Variants in LDB3 observed in about 807,000 individuals in gnomAD.
LDB3 encodes LIM domain binding 3, also known as LIM domain-binding protein 3.
Under a neutral mutation model 69.0 loss-of-function variants are expected in LDB3, and 49 were observed. The observed-to-expected ratio is 0.71, with a 90% confidence interval of 0.56 to 0.90. The LOEUF (loss-of-function observed/expected upper bound fraction) is 0.90, where lower values mean the gene tolerates loss of function less well. Ranked by LOEUF, LDB3 falls within the 40% of genes least tolerant of loss-of-function variation. The probability of loss-of-function intolerance (pLI) is 0.00; values close to 1 mark genes in which losing one functional copy is unlikely to be tolerated. For synonymous variants in LDB3, 387 were observed against 396.2 expected, an observed-to-expected ratio of 0.98 and a Z score of 0.28; for missense variants, 928 against 974.1, an observed-to-expected ratio of 0.95 and a Z score of 0.63.
chr10:86,705,888 T>A (rs1846420554), intron 7 of LDB3, among the ~76,000 whole-genome samples: 1 of 152,202 alleles, frequency 6.6e-6, no homozygotes, highest in Non-Finnish European at 1.5e-5. Flanking sequence ...TGCTGCTTCC[T>A]CAGGGTTGAC....
intron 5 of LDB3, among the ~76,000 whole-genome samples, chr10:86,683,895 C>T (rs10887647): frequency 0.2 from 29,677 of 152,154 alleles, 3,366 homozygotes; most frequent in African/African-American, 0.32. Context: ...AACCCACCTG[C>T]GGGGTAGGCA....
At chr10:86,691,757 A>T in intron 5 of LDB3, 139 bp from the exon 6 acceptor site, 1 of 949,710 alleles carries the variant, frequency 1.1e-6, no homozygotes, top group Non-Finnish European at 1.7e-6. Context: ...CCCATATCTC[A>T]GGTTCTCAGA....
At chr10:86,706,464 T>G in intron 7 of LDB3, 67 bp from the exon 8 acceptor site, 1 of 1,560,968 alleles carries the variant, frequency 6.4e-7, no homozygotes, top group African/African-American at 1.3e-5. Context: ...CCTGCCCCCA[T>G]GCAGAGGGGC....
At chr10:86,676,466 G>A (rs1188260916) in intron 2 of LDB3, among the ~76,000 whole-genome samples, 2 of 151,748 alleles carry the variant, frequency 1.3e-5, no homozygotes, top group Admixed American at 1.3e-4. Flanking sequence ...TGGGGAGACT[G>A]AGGCAGAAGA....
chr10:86,690,436 C>G (rs1185639691), intron 5 of LDB3, among the ~76,000 whole-genome samples: 1 of 152,256 alleles, frequency 6.6e-6, no homozygotes, highest in African/African-American at 2.4e-5. Context: ...CTAGAAGCCT[C>G]TGCTGGTCTT....
chr10:86,722,910 G>A (rs989138234), intron 12 of LDB3, among the ~76,000 whole-genome samples: 1 of 152,052 alleles, frequency 6.6e-6, no homozygotes, highest in Non-Finnish European at 1.5e-5. Flanking sequence ...AAGCCAGTAA[G>A]AGAAGGAATC....
Position 86,681,730 on chromosome 10 carries a change from A to C in LDB3, c.616A>C (p.Thr206Pro), listed in dbSNP as rs1564635240. Reference sequence around the variant, plus strand: ...CCCCATTGGCCTGTACTCGGCAGAGACCCTGAGGGAGATGGCTCAGATGTA... The same window carrying C: ...CCCCATTGGCCTGTACTCGGCAGAGCCCCTGAGGGAGATGGCTCAGATGTA... ...NNPIGLYSAE[T>P]LREMAQMYQM... Residue 206 changes from threonine to proline, a missense_variant, in exon 5 of 14, where the codon ACC becomes CCC. Thr to Pro is a conservative substitution (Grantham distance 38, BLOSUM62 -1). Transcript: ENST00000361373. The C allele has an allele frequency of 1.2e-6, 2 of 1,608,776 alleles. No homozygotes were observed. The highest frequency in any genetic ancestry group is 1.7e-6 in the Non-Finnish European group (2 of 1,177,016).
At chr10:86,677,797 C>A (rs1245207473) in intron 2 of LDB3, among the ~76,000 whole-genome samples, 1 of 152,198 alleles carries the variant, frequency 6.6e-6, no homozygotes, top group African/African-American at 2.4e-5. Context: ...CTCATCCAGG[C>A]AGGGTTGTCG....
At chr10:86,692,638 G>A (rs1397522286) in intron 7 of LDB3, 67 bp downstream of exon 7, 1 of 1,419,826 alleles carries the variant, frequency 7.0e-7, no homozygotes, top group Non-Finnish European at 1.0e-6. Context: ...GCAGCCCCCA[G>A]GTCACATCAC....
chr10:86,719,655 G>C (rs951767690), intron 12 of LDB3, among the ~76,000 whole-genome samples: 2 of 152,186 alleles, frequency 1.3e-5, no homozygotes, highest in Non-Finnish European at 2.9e-5. Context: ...AAGGCGTGTA[G>C]AGCATCAAAT....
At chr10:86,727,605 A>G (rs1847300048) in intron 13 of LDB3, among the ~76,000 whole-genome samples, 1 of 152,136 alleles carries the variant, frequency 6.6e-6, no homozygotes. Context: ...AAACAACAGA[A>G]ATGAATGCTT....
intron 7 of LDB3, among the ~76,000 whole-genome samples, chr10:86,700,358 C>A (rs919017609): frequency 1.3e-5 from 2 of 152,196 alleles, no homozygotes; most frequent in African/African-American, 4.8e-5. Flanking sequence ...CCACACCCTG[C>A]TGCAACCAGC....
At chr10:86,707,483 G>T (rs533282425) in intron 8 of LDB3, among the ~76,000 whole-genome samples, 1 of 152,224 alleles carries the variant, frequency 6.6e-6, no homozygotes, top group South Asian at 2.1e-4. Context: ...AAGGCCAGGG[G>T]AGAAGAGCGA....
chr10:86,715,572 C>T (rs1846836891), intron 9 of LDB3, among the ~76,000 whole-genome samples: 1 of 152,184 alleles, frequency 6.6e-6, no homozygotes, highest in African/African-American at 2.4e-5. Flanking sequence ...AATCTTTAGA[C>T]AGTCACTCAG....
chr10:86,695,409 A>G (rs1316453691), intron 7 of LDB3, among the ~76,000 whole-genome samples: 2 of 152,166 alleles, frequency 1.3e-5, no homozygotes, highest in African/African-American at 4.8e-5. Context: ...CGTAGCTTCC[A>G]TCTGAGGCTC....
chr10:86,680,169 C>A lies in LDB3; in HGVS notation c.321+12C>A. ...TCCCTCACCAGAAGGTAGGTGCTGA[C>A]TGTGGCGGCGGGGTCCACTCAGCCC... On this transcript the variant is annotated intron_variant, in intron 4 of 13. Transcript: ENST00000361373. 9 of 1,612,794 alleles carry A rather than the reference C, an allele frequency of 5.6e-6. No individual in the cohort carries two copies. Among genetic ancestry groups the A allele is most frequent in the Non-Finnish European group, 7.6e-6 (9 of 1,178,836 alleles).
rs374209047 is a variant in LDB3 at position 86,687,572 on chromosome 10, C to T, written c.690-4324C>T. On this transcript the variant is annotated intron_variant, in intron 5 of 13. Transcript: ENST00000361373. ...ATGAGGAGGCTGGAAGAAGAGACTTCTACAGTCCTCTTAACAAGGGGACCA... is the reference window on the plus strand; with the variant it reads ...ATGAGGAGGCTGGAAGAAGAGACTTTTACAGTCCTCTTAACAAGGGGACCA... Among the ~76,000 whole-genome samples, 13 of 152,380 alleles carry T rather than the reference C, an allele frequency of 8.5e-5. No individual in the cohort carries two copies. In the East Asian group the frequency reaches 2.3e-3, roughly 27 times the overall value.
intron 7 of LDB3, chr10:86,700,096 G>T (rs1846195928): frequency 1.0e-6 from 1 of 978,370 alleles, no homozygotes; most frequent in Non-Finnish European, 1.2e-6. Context: ...ACCCAAGAGG[G>T]GCTGTGAGGG....
chr10:86,696,130 G>A (rs1423218332), intron 7 of LDB3, among the ~76,000 whole-genome samples: 4 of 152,086 alleles, frequency 2.6e-5, no homozygotes, highest in African/African-American at 9.7e-5. Flanking sequence ...AAGATGCCAG[G>A]GCTCACTGGC....
Sources: gnomAD v4.1 joint callset for allele counts (sites outside exome capture counted in the v4.1 genomes callset) on GRCh38, gnomAD v4.1.1 for gene constraint, MANE v1.5 for transcripts, NCBI Gene and HGNC (gene_info 2026-07-23, HGNC 2026-07-21) for gene names.